Variants in ACMSD observed in about 807,000 individuals in gnomAD.
The protein encoded by ACMSD is 2-amino-3-carboxymuconate-6-semialdehyde decarboxylase.
A neutral mutation model predicts 45.9 loss-of-function variants in ACMSD; 37 were observed. The ratio of observed to expected loss-of-function variants is 0.81; its 90% CI spans 0.62 to 1.06. The LOEUF (loss-of-function observed/expected upper bound fraction) is 1.06, where lower values mean the gene tolerates loss of function less well. Ranked by LOEUF, ACMSD falls within the 50% of genes least tolerant of loss-of-function variation. The pLI is 0.00. For synonymous variants in ACMSD, 138 were observed against 148.8 expected (o/e 0.93, Z 0.53); for missense variants, 434 against 420.9 (o/e 1.03, Z -0.27).
chr2:134,892,897 G>A (rs928960433), intron 8 of ACMSD, among the ~76,000 whole-genome samples: 12 of 152,152 alleles, frequency 7.9e-5, no homozygotes, highest in African/African-American at 2.9e-4. Flanking sequence ...CTGTGAAGCA[G>A]CCAAGTGTGG....
chr2:134,874,768 G>T (rs1005035827), intron 8 of ACMSD, among the ~76,000 whole-genome samples: 1 of 152,108 alleles, frequency 6.6e-6, no homozygotes, highest in Non-Finnish European at 1.5e-5. Flanking sequence ...ACTCAGCAGT[G>T]AGCAATATTT....
intron 2 of ACMSD, among the ~76,000 whole-genome samples, chr2:134,854,524 G>A (rs1173107335): frequency 1.3e-5 from 2 of 152,172 alleles, no homozygotes; most frequent in African/African-American, 4.8e-5. Context: ...TGCTGCTCCA[G>A]TCATGTTCAA....
intron 2 of ACMSD, among the ~76,000 whole-genome samples, chr2:134,855,333 C>A (rs1687530593): frequency 6.6e-6 from 1 of 152,218 alleles, no homozygotes; most frequent in Admixed American, 6.5e-5. Flanking sequence ...AAGGAGGCTG[C>A]TGCCCCAGCT....
At chr2:134,895,338 A>ATATGTTATATATATATATAAT (rs1553517011) in intron 8 of ACMSD, among the ~76,000 whole-genome samples, 3 of 145,428 alleles carry the variant, frequency 2.1e-5, no homozygotes, top group African/African-American at 5.0e-5. Flanking sequence ...TTATATATAT[A>ATATGTTATATATATATATAAT]ATATATATAT....
intron 8 of ACMSD, among the ~76,000 whole-genome samples, chr2:134,883,362 G>A (rs1056964387): frequency 6.6e-6 from 1 of 152,084 alleles, no homozygotes; most frequent in African/African-American, 2.4e-5. Context: ...GTATCCCAAG[G>A]AGCTAAGGTT....
intron 6 of ACMSD, among the ~76,000 whole-genome samples, chr2:134,870,078 T>C (rs903052274): frequency 6.6e-6 from 1 of 152,146 alleles, no homozygotes; most frequent in Non-Finnish European, 1.5e-5. Context: ...AGAATGAGCA[T>C]CCTGTGAAGC....
chr2:134,885,348 T>G (rs1559065048), intron 8 of ACMSD, among the ~76,000 whole-genome samples: 1 of 101,852 alleles, frequency 9.8e-6, no homozygotes, highest in East Asian at 4.4e-4. Flanking sequence ...TATTTATATA[T>G]AATATATATT....
rs761339965 is a variant in ACMSD, at chr2:134,863,623, G to C, written c.478G>C (p.Val160Leu). The change falls in exon 5 of 10, where the codon GTC becomes CTC. Residue 160 changes from valine to leucine, a missense_variant. Coordinates refer to ENST00000356140, the MANE Select transcript of ACMSD (RefSeq NM_138326.3). ...CCTGAACGCGCAGGAGCTCTTTCCT[G>C]TCTATGCGGTGAGTAGCGGGGCTGC... ...WDLNAQELFP[V>L]YAAAERLKCS... is the part of the protein sequence containing the mutation. The C allele has an allele frequency of 6.2e-7, 1 of 1,614,080 alleles. No individual in the cohort carries two copies.
Position 134,843,730 on chromosome 2 carries a change from G to A in ACMSD, c.58-1503G>A, listed in dbSNP as rs762659260. Among the ~76,000 whole-genome samples, 91 of 152,234 alleles carry A rather than the reference G, an allele frequency of 6.0e-4. 1 individual carries two copies. The highest frequency in any genetic ancestry group is 1.6e-3 in the Admixed American group (25 of 15,282). On this transcript the variant is annotated intron_variant, in intron 1 of 9. Coordinates refer to ENST00000356140, the MANE Select transcript of ACMSD (RefSeq NM_138326.3). ...CAGAGCCATTAAGGAGCTCCCTCAT[G>A]TAGCTATCTCCTGCCTCCATTCCTT...
chr2:134,880,935 C>T (rs538897669), intron 8 of ACMSD, among the ~76,000 whole-genome samples: 15 of 152,060 alleles, frequency 9.9e-5, no homozygotes, highest in East Asian at 1.9e-4. Flanking sequence ...TTTTTTTTAA[C>T]GGGCCTGTTT....
In ACMSD at chr2:134,871,760, G is replaced by A. The variant is rs116209136; in HGVS notation, c.676+700G>A. Among the ~76,000 whole-genome samples the A allele has an allele frequency of 3.2e-3, 484 of 150,522 alleles. 4 individuals carry two copies. Among genetic ancestry groups the A allele is most frequent in the African/African-American group, 0.011 (467 of 40,820 alleles). On this transcript the variant is annotated intron_variant, in intron 7 of 9. Coordinates refer to ENST00000356140, the MANE Select transcript of ACMSD (RefSeq NM_138326.3). Reference sequence around the variant, plus strand: ...GCTAACATGCCTTTCCTCCTCAACAGCATAGAGAAGACATCTTTCCAGGTC... The same window carrying A: ...GCTAACATGCCTTTCCTCCTCAACAACATAGAGAAGACATCTTTCCAGGTC...
chr2:134,848,949 C>CTT (rs1211837460), intron 2 of ACMSD, among the ~76,000 whole-genome samples: 3 of 152,202 alleles, frequency 2.0e-5, no homozygotes, highest in Non-Finnish European at 4.4e-5. Context: ...AATTCAAACA[C>CTT]TGTGCTTCAC....
At position 134,887,749 on chromosome 2, in the gene ACMSD, A is replaced by C. The variant is rs75627191; in HGVS notation, c.850-10592A>C. Among the ~76,000 whole-genome samples the C allele has an allele frequency of 0.02, 3,032 of 152,310 alleles. 220 individuals carry two copies. The East Asian group carries it at 0.29, about 14-fold the overall frequency. ...CGGTCAATTAATTCTTGACAGAGACACGAAAGCAATTACATGGGGAAAGGA... is the reference window on the plus strand; with the variant it reads ...CGGTCAATTAATTCTTGACAGAGACCCGAAAGCAATTACATGGGGAAAGGA... On this transcript the variant is annotated intron_variant, in intron 8 of 9. Coordinates refer to ENST00000356140, the MANE Select transcript of ACMSD (RefSeq NM_138326.3).
intron 3 of ACMSD, among the ~76,000 whole-genome samples, chr2:134,860,428 T>C (rs575900888): frequency 3.4e-4 from 52 of 152,272 alleles, no homozygotes; most frequent in African/African-American, 1.2e-3. Flanking sequence ...TGGGCTGTGA[T>C]GGGGAACTGA....
chr2:134,853,097 A>G (rs1687419779), intron 2 of ACMSD, among the ~76,000 whole-genome samples: 1 of 147,972 alleles, frequency 6.8e-6, no homozygotes. Context: ...CAGGAGGCGG[A>G]GATTGCAGTG....
intron 8 of ACMSD, among the ~76,000 whole-genome samples, chr2:134,885,414 T>C (rs1353317064): frequency 8.1e-6 from 1 of 123,242 alleles, no homozygotes; most frequent in African/African-American, 3.1e-5. Flanking sequence ...ATATAAAATA[T>C]ATATGTAAAT....
Position 134,863,447 on chromosome 2 carries a change from C to T in ACMSD, c.302C>T (p.Ala101Val), listed in dbSNP as rs758913560. 4 of 1,614,234 alleles carry T rather than the reference C, an allele frequency of 2.5e-6. No homozygotes were observed. The highest frequency in any genetic ancestry group is 2.2e-5 in the East Asian group (1 of 44,886). Residue 101 changes from alanine (A) to valine (V), a missense_variant, in exon 5 of 10, where the codon GCC becomes GTC. By Grantham distance (64) the Ala-to-Val change is moderately conservative (BLOSUM62 0). Transcript: ENST00000356140. The part of the protein sequence containing the change: ...NLCQLLNNDL[A>V]STVVSYPRRF... ...TGCCAGCTTTTAAACAACGACCTTG[C>T]CAGCACCGTTGTGAGCTACCCCAGG...
intron 8 of ACMSD, among the ~76,000 whole-genome samples, chr2:134,895,340 T>TATATATATATGTTATATATATATATATA (rs1690061511): frequency 1.4e-5 from 2 of 145,770 alleles, no homozygotes; most frequent in Admixed American, 6.9e-5. Flanking sequence ...ATATATATAA[T>TATATATATATGTTATATATATATATATA]ATATATATAA....
chr2:134,867,422 C>A, intron 5 of ACMSD, 157 bp from the exon 6 acceptor site: 1 of 413,756 alleles, frequency 2.4e-6, no homozygotes. Context: ...TTGTCAATAT[C>A]TCTTCTATAT....
Sources: gnomAD v4.1 joint callset for allele counts (sites outside exome capture counted in the v4.1 genomes callset) on GRCh38, gnomAD v4.1.1 for gene constraint, MANE v1.5 for transcripts, NCBI Gene and HGNC (gene_info 2026-07-23, HGNC 2026-07-21) for gene names.